Variants in CTPS2 observed in about 807,000 individuals in gnomAD.
CTPS2 encodes the protein CTP synthase 2.
Under a neutral mutation model 46.8 loss-of-function variants are expected in CTPS2, and 19 were observed. That is an observed-to-expected ratio of 0.41 (90% CI 0.28 to 0.60). The LOEUF (loss-of-function observed/expected upper bound fraction) is 0.60, where lower values mean the gene tolerates loss of function less well. Ranked by LOEUF, CTPS2 falls within the 20% of genes least tolerant of loss-of-function variation. The probability of loss-of-function intolerance (pLI) is 0.35; values close to 1 mark genes in which losing one functional copy is unlikely to be tolerated. For synonymous variants in CTPS2, 151 were observed against 165.2 expected (o/e 0.91, Z 0.66); for missense variants, 286 against 447.6 (o/e 0.64, Z 3.26).
At chrX:16,710,618 G>T (rs1008949368) in intron 1 of CTPS2, among the ~76,000 whole-genome samples, 1 of 111,161 alleles carries the variant, frequency 9.0e-6, no homozygotes, top group Non-Finnish European at 1.9e-5. Context: ...TTCCTACTTT[G>T]TTGTTGTTGT....
At chrX:16,635,291 A>G (rs912471413) in intron 14 of CTPS2, among the ~76,000 whole-genome samples, 9 of 112,091 alleles carry the variant, frequency 8.0e-5, no homozygotes, top group African/African-American at 2.9e-4. Flanking sequence ...GAATCCTACA[A>G]AAGAAATGTA....
intron 14 of CTPS2, among the ~76,000 whole-genome samples, chrX:16,629,532 ATT>A (rs111513935): frequency 3.9e-5 from 4 of 102,390 alleles, no homozygotes; most frequent in East Asian, 3.0e-4. Flanking sequence ...TCAGTCGAGG[ATT>A]TTTTTTTTTT....
intron 13 of CTPS2, among the ~76,000 whole-genome samples, chrX:16,639,827 AAGAAGAAAAGAAAAG>A (rs1308443833): frequency 9.2e-6 from 1 of 109,204 alleles, no homozygotes; most frequent in East Asian, 2.9e-4. Flanking sequence ...GAAAGAAAGA[AAGAAGAAAAGAAAAG>A]GAAAAGAAAA....
rs185349147 is a variant in CTPS2 at position 16,628,083 on chromosome X, G to A, written c.1394-7751C>T. 3.9e-3 allele frequency among the ~76,000 whole-genome samples: 434 copies of A among 111,611 alleles called. 3 individuals are homozygous for A. The highest frequency in any genetic ancestry group is 0.013 in the African/African-American group (412 of 30,780). On this transcript the variant is annotated intron_variant, in intron 14 of 18. Transcript: ENST00000359276. Reference sequence around the variant, plus strand: ...TGTCTTAATTACTGGTGTGCAGAAAGCACCGAGTTGCAGCCAGCCACAGCT... The same window carrying A: ...TGTCTTAATTACTGGTGTGCAGAAAACACCGAGTTGCAGCCAGCCACAGCT...
intron 17 of CTPS2, among the ~76,000 whole-genome samples, chrX:16,593,886 GA>G (rs1187123368): frequency 1.1e-4 from 11 of 104,232 alleles, no homozygotes; most frequent in Non-Finnish European, 2.0e-4. Context: ...ATATTTGGAG[GA>G]AAAAAAAAAC....
intron 10 of CTPS2, among the ~76,000 whole-genome samples, chrX:16,675,269 CAA>C (rs756479055): frequency 9.8e-5 from 7 of 71,429 alleles, no homozygotes; most frequent in Admixed American, 1.7e-4. Flanking sequence ...GACTGTGTCT[CAA>C]AAAAAAAAAA....
At position 16,639,157 on chromosome X, in the gene CTPS2, A is replaced by G. The variant is rs1931919278; in HGVS notation, c.1383T>C (p.Asn461=). ...GIRRTVFKTE[N]SILRKLYGDV... ...ATATGGGAAACTTACTTAATATTGA[A>G]TTTTCAGTTTTGAAAACAGTTCTTC... The change falls in exon 14 of 19, where the codon AAT becomes AAC. Residue 461 remains asparagine, a synonymous_variant. Transcript: ENST00000359276. The G allele has an allele frequency of 8.4e-7, 1 of 1,196,101 alleles. No individual in the cohort carries two copies. Among genetic ancestry groups the G allele is most frequent in the Admixed American group, 2.2e-5 (1 of 45,702 alleles).
At chrX:16,638,953 A>G in intron 14 of CTPS2, 194 bp downstream of exon 14, 1 of 541,672 alleles carries the variant, frequency 1.8e-6, no homozygotes, top group South Asian at 2.3e-5. Context: ...AGCCCAAGGG[A>G]CAAGCTTACT....
chrX:16,662,170 C>T (rs1250942797), intron 13 of CTPS2, among the ~76,000 whole-genome samples: 1 of 110,639 alleles, frequency 9.0e-6, no homozygotes, highest in Non-Finnish European at 1.9e-5. Context: ...GCAACAGCTA[C>T]GCTCTTGGTT....
At chrX:16,664,673 G>C (rs780303527) in intron 13 of CTPS2, among the ~76,000 whole-genome samples, 5 of 111,941 alleles carry the variant, frequency 4.5e-5, no homozygotes, top group Non-Finnish European at 9.4e-5. Flanking sequence ...GATTAAACAG[G>C]CTACAGGGGA....
At chrX:16,600,721 T>C (rs910376131) in intron 17 of CTPS2, among the ~76,000 whole-genome samples, 2 of 112,326 alleles carry the variant, frequency 1.8e-5, no homozygotes, top group African/African-American at 6.5e-5. Flanking sequence ...AACAATAATT[T>C]ACCCTAAAAA....
chrX:16,663,642 T>A (rs1202944309), intron 13 of CTPS2, among the ~76,000 whole-genome samples: 3 of 110,242 alleles, frequency 2.7e-5, no homozygotes, highest in Non-Finnish European at 5.7e-5. Context: ...TGCGCTATGA[T>A]CACACCTGTG....
At chrX:16,645,649 GT>G (rs1311290768) in intron 13 of CTPS2, among the ~76,000 whole-genome samples, 5 of 112,340 alleles carry the variant, frequency 4.5e-5, no homozygotes. Context: ...TTTTAAACTT[GT>G]TTTTTTCCCC....
chrX:16,607,241 G>A (rs1429165016), intron 17 of CTPS2, among the ~76,000 whole-genome samples: 2 of 113,100 alleles, frequency 1.8e-5, no homozygotes, highest in African/African-American at 6.4e-5. Flanking sequence ...CTTTCAGTGT[G>A]AGAATCTAAA....
intron 4 of CTPS2, among the ~76,000 whole-genome samples, chrX:16,696,354 C>T (rs1924119495): frequency 9.0e-6 from 1 of 111,628 alleles, no homozygotes; most frequent in South Asian, 3.8e-4. Context: ...AGGGTTATAA[C>T]GGAGAAGGGG....
chrX:16,692,107 C>G (rs1045026564), intron 6 of CTPS2, among the ~76,000 whole-genome samples: 6 of 111,570 alleles, frequency 5.4e-5, no homozygotes, highest in African/African-American at 2.0e-4. Flanking sequence ...ACAGAGACTA[C>G]TGGTGATGAC....
chrX:16,656,174 A>T (rs185267972), intron 13 of CTPS2, among the ~76,000 whole-genome samples: 1 of 111,062 alleles, frequency 9.0e-6, no homozygotes, highest in African/African-American at 3.3e-5. Flanking sequence ...GGAAATTTTA[A>T]CTCCAGAGAT....
Position 16,654,395 on chromosome X carries a change from T to C in CTPS2, c.1296+13119A>G, listed in dbSNP as rs1159398092. 5.4e-6 allele frequency: 6 copies of C among 1,117,803 alleles called. No homozygotes were observed. The African/African-American group carries it at 9.1e-5, about 17-fold the overall frequency. 92.1% of individuals were successfully genotyped at this position (1,117,803 alleles called of 1,213,427 possible). On this transcript the variant is annotated intron_variant, in intron 13 of 18. Coordinates refer to ENST00000359276, the MANE Select transcript of CTPS2 (RefSeq NM_175859.3). ...CCCTCCCTTCTCCCATCCTTTTTTA[T>C]GTAAAACAGGGTCCAAACACCCTAG...
chrX:16,703,946 T>C (rs1309356132), intron 1 of CTPS2, among the ~76,000 whole-genome samples: 2 of 107,845 alleles, frequency 1.9e-5, no homozygotes, highest in African/African-American at 6.8e-5. Context: ...TTTTTTTTTT[T>C]TCTTTTTTTT....
Sources: allele counts gnomAD v4.1 joint callset (sites outside exome capture counted in the v4.1 genomes callset), GRCh38; gene constraint gnomAD v4.1.1; transcripts MANE v1.5; gene names NCBI Gene and HGNC (gene_info 2026-07-23, HGNC 2026-07-21).